The following MYB variants were observed in gnomAD, a reference collection of about 807,000 sequenced individuals.
MYB encodes transcriptional activator Myb.
MYB carries 28 observed loss-of-function variants against 92.9 expected under a neutral mutation model. That is an observed-to-expected ratio of 0.30 (90% CI 0.22 to 0.41). MYB has a LOEUF of 0.41. MYB is among the 10% of genes least tolerant of loss of function. The pLI is 1.00. For synonymous variants in MYB, 295 were observed against 329.1 expected, an observed-to-expected ratio of 0.90 and a Z score of 1.12; for missense variants, 679 against 929.3, an observed-to-expected ratio of 0.73 and a Z score of 3.50.
intron 15 of MYB, among the ~76,000 whole-genome samples, chr6:135,205,412 A>G (rs916774009): frequency 2.6e-5 from 4 of 152,198 alleles, no homozygotes; most frequent in Admixed American, 2.6e-4. Flanking sequence ...TCTAAATTTC[A>G]AAAAGCCAAC....
At chr6:135,206,424 G>A (rs1253316497) in intron 15 of MYB, among the ~76,000 whole-genome samples, 3 of 151,786 alleles carry the variant, frequency 2.0e-5, no homozygotes, top group Admixed American at 1.3e-4. Flanking sequence ...AAGGCCAGCC[G>A]TGGTGGCTCA....
intron 15 of MYB, chr6:135,203,749 A>G (rs1432847602): frequency 7.4e-7 from 1 of 1,349,836 alleles, no homozygotes. Flanking sequence ...CCAATTTTAA[A>G]TGAAGTCTGA....
chr6:135,200,538 A>G (rs1429383117), intron 13 of MYB, 123 bp downstream of exon 13: 2 of 1,437,844 alleles, frequency 1.4e-6, no homozygotes, highest in Non-Finnish European at 9.7e-7. Flanking sequence ...CAAGATTTTC[A>G]TACAAGGTGC....
chr6:135,202,158 A>G (rs747134071), intron 14 of MYB, among the ~76,000 whole-genome samples: 24 of 152,156 alleles, frequency 1.6e-4, no homozygotes, highest in Non-Finnish European at 3.1e-4. Context: ...GATGCCCAGT[A>G]TTGTACCCAA....
chr6:135,183,028 T>TTC (rs1775337332), intron 1 of MYB, among the ~76,000 whole-genome samples: 1 of 115,070 alleles, frequency 8.7e-6, no homozygotes, highest in Non-Finnish European at 1.8e-5. Flanking sequence ...TTTTTTTTTT[T>TTC]CGAGAGCTGA....
At chr6:135,215,629 G>A (rs897630425) in intron 15 of MYB, among the ~76,000 whole-genome samples, 1 of 152,078 alleles carries the variant, frequency 6.6e-6, no homozygotes, top group Non-Finnish European at 1.5e-5. Flanking sequence ...TTATGTTGTC[G>A]TTTAACCCTT....
intron 2 of MYB, among the ~76,000 whole-genome samples, chr6:135,187,169 C>T (rs1215662099): frequency 6.6e-6 from 1 of 152,180 alleles, no homozygotes; most frequent in Non-Finnish European, 1.5e-5. Context: ...TTGTGAACAG[C>T]ATATAAACTA....
At chr6:135,209,957 C>T (rs1779486961) in intron 15 of MYB, among the ~76,000 whole-genome samples, 1 of 152,078 alleles carries the variant, frequency 6.6e-6, no homozygotes, top group South Asian at 2.1e-4. Flanking sequence ...AAACATTCAG[C>T]CTAGAAAGCG....
intron 15 of MYB, among the ~76,000 whole-genome samples, chr6:135,214,588 C>T (rs1780176888): frequency 6.6e-6 from 1 of 152,174 alleles, no homozygotes; most frequent in South Asian, 2.1e-4. Flanking sequence ...GATCCAAGTC[C>T]TTGGCTCCAT....
At chr6:135,214,276 A>T (rs966490082) in intron 15 of MYB, among the ~76,000 whole-genome samples, 1 of 151,950 alleles carries the variant, frequency 6.6e-6, no homozygotes, top group Non-Finnish European at 1.5e-5. Context: ...CCCTATATCT[A>T]AAAAAAAGAA....
chr6:135,212,224 CTTTTTTTTTTTTTTTTTTT>C lies in MYB; in HGVS notation c.2170-5625_2170-5607del, dbSNP rs545704827. On this transcript the variant is annotated intron_variant, in intron 15 of 15. Transcript: ENST00000341911. ...CATCTGATGAGTTGCTTTGGTTTTA[CTTTTTTTTTTTTTTTTTTT>C]TTTTTTTTTTTTTTAGTTTATACAA... Among the ~76,000 whole-genome samples the C allele has an allele frequency of 3.5e-3, 114 of 32,912 alleles. 2 individuals are homozygous for C. The East Asian group carries it at 0.083, about 24-fold the overall frequency. The allele number at this position is 32,912 out of a possible 152,430, so 21.6% of individuals were successfully genotyped here.
At chr6:135,193,749 A>T in intron 6 of MYB, 89 bp from the exon 7 acceptor site, 5 of 784,172 alleles carry the variant, frequency 6.4e-6, no homozygotes, top group Admixed American at 4.7e-5. Flanking sequence ...TTTTTCTCTC[A>T]GTCCCAGAAC....
In MYB at chr6:135,184,617, G is replaced by A. The variant is rs138725183; in HGVS notation, c.24-1286G>A. On this transcript the variant is annotated intron_variant, in intron 1 of 15. Transcript: ENST00000341911. ...TAAATTATGAGAACCCCCAATTCAG[G>A]ATTTTTGGTAAGCACTTCAGCTTCA... Among the ~76,000 whole-genome samples, 1,425 of 152,194 alleles carry A rather than the reference G, an allele frequency of 9.4e-3. 17 individuals are homozygous for A. Among genetic ancestry groups the A allele is most frequent in the African/African-American group, 0.032 (1,321 of 41,522 alleles).
intron 13 of MYB, chr6:135,200,770 TTTAA>T: frequency 3.4e-6 from 1 of 293,576 alleles, no homozygotes; most frequent in South Asian, 3.2e-5. Context: ...TAATAGTATC[TTTAA>T]TTAATTGTAT....
In MYB at chr6:135,218,093, G is replaced by C; in HGVS notation, c.*113G>C. On this transcript the variant is annotated 3_prime_UTR_variant, in exon 16 of 16. Transcript: ENST00000341911. ...GGGAGAAGAACCTATTTTTGTTGTGGTACAACAGTTGAGAGCAGCACCAAG... is the reference window on the plus strand; with the variant it reads ...GGGAGAAGAACCTATTTTTGTTGTGCTACAACAGTTGAGAGCAGCACCAAG... The C allele has an allele frequency of 1.1e-5, 9 of 836,360 alleles. No homozygotes were observed. The highest frequency in any genetic ancestry group is 1.2e-5 in the Non-Finnish European group (6 of 497,378). The allele number at this position is 836,360 out of a possible 1,614,324, so 51.8% of individuals were successfully genotyped here.
At chr6:135,184,032 GC>G (rs1213016602) in intron 1 of MYB, among the ~76,000 whole-genome samples, 2 of 152,160 alleles carry the variant, frequency 1.3e-5, no homozygotes, top group Admixed American at 1.3e-4. Flanking sequence ...GACGTTGGCT[GC>G]CCCCTGCGGG....
chr6:135,186,075 A>C (rs1775868623), intron 2 of MYB, 55 bp downstream of exon 2: 8 of 1,508,360 alleles, frequency 5.3e-6, no homozygotes, highest in Non-Finnish European at 6.4e-6. Flanking sequence ...TAATTTATAA[A>C]AAACAAAATT....
chr6:135,196,031 G>A (rs767670599), intron 9 of MYB, 29 bp downstream of exon 9: 36 of 1,595,414 alleles, frequency 2.3e-5, no homozygotes, highest in Non-Finnish European at 2.8e-5. Context: ...GGAAGTTAAC[G>A]ATTCTGGAAG....
At chr6:135,209,901 T>C (rs542844332) in intron 15 of MYB, among the ~76,000 whole-genome samples, 1 of 152,300 alleles carries the variant, frequency 6.6e-6, no homozygotes, top group Non-Finnish European at 1.5e-5. Flanking sequence ...GGGTAGAGGA[T>C]AGAGTCTAGA....
Sources: allele counts gnomAD v4.1 joint callset (sites outside exome capture counted in the v4.1 genomes callset), GRCh38; gene constraint gnomAD v4.1.1; transcripts MANE v1.5; gene names NCBI Gene and HGNC (gene_info 2026-07-23, HGNC 2026-07-21).